ZNF644: variants seen among roughly 807,000 people sequenced by gnomAD.
ZNF644 encodes the protein zinc finger protein 644, also known as zinc finger motif enhancer binding protein 2.
A neutral mutation model predicts 108.0 loss-of-function variants in ZNF644; 20 were observed. The observed-to-expected ratio is 0.19, with a 90% confidence interval of 0.13 to 0.27. The LOEUF (loss-of-function observed/expected upper bound fraction) is 0.27, where lower values mean the gene tolerates loss of function less well. Among genes scored for constraint, ZNF644 ranks in the 10% least tolerant of loss-of-function variants. The pLI is 1.00. For missense variants in ZNF644, 1,338 were observed against 1,548.9 expected (o/e 0.86, Z 2.29); for synonymous variants, 542 against 539.1 (o/e 1.01, Z -0.08).
At chr1:90,974,071 G>A (rs1655763774) in intron 2 of ZNF644, among the ~76,000 whole-genome samples, 1 of 152,084 alleles carries the variant, frequency 6.6e-6, no homozygotes, top group Non-Finnish European at 1.5e-5. Context: ...GAGATGCCAA[G>A]AAGAATCTGA....
intron 4 of ZNF644, among the ~76,000 whole-genome samples, chr1:90,930,115 C>T (rs1448422442): frequency 2.6e-5 from 4 of 152,130 alleles, no homozygotes; most frequent in Non-Finnish European, 5.9e-5. Flanking sequence ...GGAGAAACCC[C>T]ATCTCTACTA....
At chr1:91,018,723 A>G (rs553417930) in intron 1 of ZNF644, among the ~76,000 whole-genome samples, 1 of 152,344 alleles carries the variant, frequency 6.6e-6, no homozygotes, top group African/African-American at 2.4e-5. Context: ...TAACACTAAA[A>G]AACAATATTT....
intron 2 of ZNF644, among the ~76,000 whole-genome samples, chr1:90,972,207 T>C (rs1352873707): frequency 1.3e-5 from 2 of 152,026 alleles, no homozygotes; most frequent in Non-Finnish European, 2.9e-5. Context: ...AGAAAACCAA[T>C]GGAATGGGAG....
In ZNF644 at chr1:90,940,558, T is replaced by A; in HGVS notation, c.796A>T (p.Ile266Phe). 2 of 1,614,024 alleles carry A rather than the reference T, an allele frequency of 1.2e-6. No homozygotes were observed. Among genetic ancestry groups the A allele is most frequent in the Non-Finnish European group, 1.7e-6 (2 of 1,179,958 alleles). Reference sequence around the variant, plus strand: ...TCCTCATTAGTCATAAGAAATTGAATGAACTCTTTTTGGGGATCCCAGTTT... The same window carrying A: ...TCCTCATTAGTCATAAGAAATTGAAAGAACTCTTTTTGGGGATCCCAGTTT... ...DTNWDPQKEF[I>F]QFLMTNEETV... Residue 266 changes from isoleucine to phenylalanine, a missense_variant, in exon 3 of 6, where the codon ATT becomes TTT. Coordinates refer to ENST00000337393, the MANE Select transcript of ZNF644 (RefSeq NM_201269.3).
chr1:90,943,268 C>CGT (rs1409924990), intron 2 of ZNF644, among the ~76,000 whole-genome samples: 1 of 151,868 alleles, frequency 6.6e-6, no homozygotes, highest in Non-Finnish European at 1.5e-5. Flanking sequence ...GGTGATACCC[C>CGT]GTCTCTACTA....
At chr1:90,954,065 T>C (rs1023958749) in intron 2 of ZNF644, among the ~76,000 whole-genome samples, 4 of 152,158 alleles carry the variant, frequency 2.6e-5, no homozygotes, top group Admixed American at 6.5e-5. Context: ...ATGCTGAAGG[T>C]TGGGGTGGCT....
chr1:91,008,885 G>T (rs1229494673), intron 1 of ZNF644, among the ~76,000 whole-genome samples: 1 of 152,114 alleles, frequency 6.6e-6, no homozygotes, highest in African/African-American at 2.4e-5. Flanking sequence ...TTGACAGCAG[G>T]AATAACAGAA....
intron 1 of ZNF644, among the ~76,000 whole-genome samples, chr1:90,999,801 T>G: frequency 6.6e-6 from 1 of 152,124 alleles, no homozygotes; most frequent in African/African-American, 2.4e-5. Context: ...CCATCTCACG[T>G]GCACAGACAC....
intron 4 of ZNF644, among the ~76,000 whole-genome samples, chr1:90,922,199 G>A (rs667422): frequency 2.9e-4 from 44 of 152,146 alleles, no homozygotes; most frequent in African/African-American, 7.9e-4. Flanking sequence ...ATTCGCCACC[G>A]AAGTATTTTT....
At chr1:91,018,349 A>G (rs1220688422) in intron 1 of ZNF644, among the ~76,000 whole-genome samples, 3 of 152,220 alleles carry the variant, frequency 2.0e-5, no homozygotes, top group South Asian at 2.1e-4. Context: ...GCTTCAGTCA[A>G]TGCTATACCT....
chr1:90,938,746 T>G lies in ZNF644; in HGVS notation c.2608A>C (p.Thr870Pro). 6.2e-7 allele frequency: 1 copy of G among 1,613,938 alleles called. No homozygotes were observed. The highest frequency in any genetic ancestry group is 8.5e-7 in the Non-Finnish European group (1 of 1,179,910). ...SWDNVELGDY[T>P]TQAIEDETYS... ...GTTTCATCTTCTATGGCCTGTGTAG[T>G]GTAGTCTCCTAACTCAACATTATCC... The change falls in exon 3 of 6, where the codon ACT becomes CCT. Residue 870 changes from threonine to proline, a missense_variant. This residue lies in a region of ZNF644 where 462 missense variants were observed against 472.6 expected (regional missense o/e 0.98). Coordinates refer to ENST00000337393, the MANE Select transcript of ZNF644 (RefSeq NM_201269.3). This position sits in a 1 kb window ranked among gnomAD's most constrained non-coding sequence, Gnocchi z 4.2.
chr1:90,948,686 C>G (rs78511209), intron 2 of ZNF644, among the ~76,000 whole-genome samples: 9,967 of 152,120 alleles, frequency 0.066, 446 homozygotes, highest in Middle Eastern at 0.12. Context: ...CTATATTCAT[C>G]GAAAAAAATC....
At chr1:90,998,731 TCAGA>T (rs1353001493) in intron 1 of ZNF644, among the ~76,000 whole-genome samples, 25 of 152,296 alleles carry the variant, frequency 1.6e-4, no homozygotes, top group East Asian at 1.9e-4. Context: ...GAAGAAGGCT[TCAGA>T]CAATCAAACT....
intron 2 of ZNF644, among the ~76,000 whole-genome samples, chr1:90,978,783 G>A (rs1016387047): frequency 6.6e-6 from 1 of 151,508 alleles, no homozygotes; most frequent in Non-Finnish European, 1.5e-5. Flanking sequence ...AAATTTCTCT[G>A]GCTCCTCAAC....
chr1:91,021,717 C>T (rs949873372), intron 1 of ZNF644: 8 of 240,990 alleles, frequency 3.3e-5, no homozygotes, highest in Non-Finnish European at 6.4e-5. Context: ...CAGCGACCGC[C>T]GCGGCCGCCG....
intron 1 of ZNF644, among the ~76,000 whole-genome samples, chr1:90,996,073 C>A (rs544063999): frequency 6.6e-6 from 1 of 152,086 alleles, no homozygotes; most frequent in Non-Finnish European, 1.5e-5. Context: ...ATTTATAAAA[C>A]CTGGCAATAC....
chr1:90,948,804 T>C (rs1652790762), intron 2 of ZNF644, among the ~76,000 whole-genome samples: 1 of 152,218 alleles, frequency 6.6e-6, no homozygotes, highest in Non-Finnish European at 1.5e-5. Flanking sequence ...ATGTCTAGCC[T>C]GATGCTTGGA....
intron 1 of ZNF644, among the ~76,000 whole-genome samples, chr1:90,985,951 G>A (rs573266000): frequency 6.6e-6 from 1 of 151,980 alleles, no homozygotes; most frequent in African/African-American, 2.4e-5. Flanking sequence ...CCACATCCTT[G>A]CCAACATTTG....
At chr1:90,963,322 A>G (rs1654515985) in intron 2 of ZNF644, among the ~76,000 whole-genome samples, 1 of 152,134 alleles carries the variant, frequency 6.6e-6, no homozygotes, top group Non-Finnish European at 1.5e-5. Context: ...CTAAAATTAA[A>G]GGGGATATTA....
Sources: gnomAD v4.1 joint callset for allele counts (sites outside exome capture counted in the v4.1 genomes callset) on GRCh38, gnomAD v4.1.1 for gene constraint, gnomAD v4.1.1 regional missense constraint, Gnocchi (gnomAD v3.1) non-coding constraint, MANE v1.5 for transcripts, NCBI Gene and HGNC (gene_info 2026-07-23, HGNC 2026-07-21) for gene names.